The following PCDH15 variants were observed in gnomAD, a reference collection of about 807,000 sequenced individuals.
PCDH15 encodes the protein protocadherin related 15.
In PCDH15, 129 loss-of-function variants were observed where a neutral mutation model predicts 178.5. The observed-to-expected ratio is 0.72, with a 90% CI of 0.63 to 0.84. PCDH15 has a LOEUF of 0.84. PCDH15 is among the 40% of genes least tolerant of loss of function. The pLI is 0.00. For missense variants in PCDH15, 2,230 were observed against 2,099.9 expected, an observed-to-expected ratio of 1.06 and a Z score of -1.21; for synonymous variants, 800 against 732.0, an observed-to-expected ratio of 1.09 and a Z score of -1.50.
intron 13 of PCDH15, among the ~76,000 whole-genome samples, chr10:54,155,983 T>C (rs543889744): frequency 7.9e-5 from 12 of 152,228 alleles, no homozygotes; most frequent in Admixed American, 3.9e-4. Flanking sequence ...TGGAAATATA[T>C]GAAGCTCATT....
chr10:54,688,510 T>C (rs1248867098), intron 1 of PCDH15, among the ~76,000 whole-genome samples: 2 of 152,130 alleles, frequency 1.3e-5, no homozygotes, highest in Non-Finnish European at 1.5e-5. Flanking sequence ...GTTTAAGAGA[T>C]GTTAAGGCAA....
In PCDH15 at chr10:54,849,721, G is replaced by A. The variant is rs151059493; in HGVS notation, c.-29+47729C>T. The stretch of plus-strand genomic sequence containing the variant: ...TGTGGTTTTTGCCAATCATTTCAAA[G>A]GAAAGAACCGCAATTACTTTTGCAC... On this transcript the variant is annotated intron_variant, in intron 3 of 5. Transcript: ENST00000458638. 7.3e-3 allele frequency among the ~76,000 whole-genome samples: 1,109 copies of A among 152,142 alleles called. 17 individuals carry two copies. The highest frequency in any genetic ancestry group is 0.026 in the African/African-American group (1,063 of 41,500).
At chr10:54,783,409 A>G (rs1950554580) in intron 1 of PCDH15, among the ~76,000 whole-genome samples, 1 of 151,978 alleles carries the variant, frequency 6.6e-6, no homozygotes, top group Non-Finnish European at 1.5e-5. Context: ...ACCTCATCAA[A>G]TAAGGAGAAA....
chr10:55,569,588 A>C (rs1327452348), intron 2 of PCDH15, among the ~76,000 whole-genome samples: 1 of 151,660 alleles, frequency 6.6e-6, no homozygotes, highest in Non-Finnish European at 1.5e-5. Flanking sequence ...AAAAAAAAAA[A>C]CCAGAAACAA....
intron 2 of PCDH15, among the ~76,000 whole-genome samples, chr10:55,437,631 A>G (rs1231304983): frequency 6.6e-6 from 1 of 152,110 alleles, no homozygotes; most frequent in Non-Finnish European, 1.5e-5. Context: ...AACAATAGAA[A>G]TAGTAAAAGA....
chr10:54,651,324 G>C (rs770593805), intron 2 of PCDH15, among the ~76,000 whole-genome samples: 6 of 152,118 alleles, frequency 3.9e-5, no homozygotes, highest in Non-Finnish European at 5.9e-5. Context: ...AGTAGGCAAA[G>C]CAAGAATATA....
intron 2 of PCDH15, among the ~76,000 whole-genome samples, chr10:54,989,093 G>A (rs112664392): frequency 0.049 from 7,405 of 152,274 alleles, 241 homozygotes; most frequent in East Asian, 0.1. Flanking sequence ...CAAGCCCCAA[G>A]CATTGTCAGC....
chr10:55,252,481 G>T (rs1477442409), intron 1 of PCDH15, among the ~76,000 whole-genome samples: 1 of 151,652 alleles, frequency 6.6e-6, no homozygotes, highest in Non-Finnish European at 1.5e-5. Context: ...TAAAATATTG[G>T]AACTGATCAC....
At chr10:53,952,097 G>A (rs1220533320) in intron 23 of PCDH15, among the ~76,000 whole-genome samples, 8 of 152,178 alleles carry the variant, frequency 5.3e-5, no homozygotes, top group Non-Finnish European at 7.3e-5. Context: ...CTGGCTCAGG[G>A]AGCTCCTAGG....
intron 2 of PCDH15, among the ~76,000 whole-genome samples, chr10:55,064,153 G>C (rs1841505640): frequency 6.6e-6 from 1 of 152,064 alleles, no homozygotes; most frequent in Non-Finnish European, 1.5e-5. Flanking sequence ...CTAATGAAAA[G>C]ATTCTCAAGC....
intron 1 of PCDH15, among the ~76,000 whole-genome samples, chr10:55,195,546 C>G (rs1166564830): frequency 1.3e-5 from 2 of 148,812 alleles, no homozygotes. Flanking sequence ...ATCCCAGCTA[C>G]TCCGGAGGCT....
chr10:54,390,006 T>C (rs893001738), intron 3 of PCDH15, among the ~76,000 whole-genome samples: 3 of 152,106 alleles, frequency 2.0e-5, no homozygotes, highest in Non-Finnish European at 2.9e-5. Context: ...TTGAGAACCT[T>C]GTTTTATAAT....
chr10:54,956,382 T>C (rs1265094474), intron 2 of PCDH15, among the ~76,000 whole-genome samples: 2 of 151,540 alleles, frequency 1.3e-5, no homozygotes, highest in Non-Finnish European at 1.5e-5. Context: ...CAGATTCATT[T>C]ACATTAATAA....
intron 1 of PCDH15, among the ~76,000 whole-genome samples, chr10:54,708,403 T>TA (rs1313863844): frequency 6.6e-6 from 1 of 152,226 alleles, no homozygotes; most frequent in Non-Finnish European, 1.5e-5. Flanking sequence ...TGCTGAATCT[T>TA]ACAGAGTTGA....
intron 3 of PCDH15, among the ~76,000 whole-genome samples, chr10:54,872,443 CCTACCAAATAATAAAT>C (rs1209004836): frequency 1.4e-4 from 21 of 151,966 alleles, no homozygotes; most frequent in Non-Finnish European, 2.8e-4. Context: ...AAATAATAAA[CCTACCAAATAATAAAT>C]TATTTAGGAA....
At chr10:54,232,222 A>G (rs2054150640) in intron 9 of PCDH15, among the ~76,000 whole-genome samples, 1 of 152,076 alleles carries the variant, frequency 6.6e-6, no homozygotes, top group African/African-American at 2.4e-5. Context: ...TCAGTGAGTG[A>G]GTTCTCATGA....
intron 28 of PCDH15, among the ~76,000 whole-genome samples, chr10:53,855,743 C>T (rs1421973575): frequency 1.3e-5 from 2 of 151,380 alleles, no homozygotes; most frequent in African/African-American, 4.9e-5. Flanking sequence ...CTGAAATCAA[C>T]AGAAGACACA....
intron 5 of PCDH15, among the ~76,000 whole-genome samples, chr10:54,367,763 A>G (rs1038503302): frequency 4.0e-5 from 6 of 151,852 alleles, no homozygotes; most frequent in Non-Finnish European, 8.8e-5. Context: ...CTATGTAACA[A>G]ACCTGCACAT....
chr10:55,564,660 T>C (rs1422798517), intron 2 of PCDH15, among the ~76,000 whole-genome samples: 2 of 151,564 alleles, frequency 1.3e-5, no homozygotes, highest in African/African-American at 2.4e-5. Context: ...AGTGAAAGGA[T>C]AGAAAAAGAC....
Sources: allele counts gnomAD v4.1 joint callset (sites outside exome capture counted in the v4.1 genomes callset), GRCh38; gene constraint gnomAD v4.1.1; transcripts MANE v1.5; gene names NCBI Gene and HGNC (gene_info 2026-07-23, HGNC 2026-07-21).